PLEKHH2: variants seen among roughly 807,000 people sequenced by gnomAD.
The protein encoded by PLEKHH2 is pleckstrin homology, MyTH4 and FERM domain containing H2, also known as pleckstrin homology domain-containing family H member 2.
A neutral mutation model predicts 187.9 loss-of-function variants in PLEKHH2; 129 were observed. The ratio of observed to expected loss-of-function variants is 0.69; its 90% CI spans 0.59 to 0.79. The LOEUF is 0.79. Ranked by LOEUF, PLEKHH2 falls within the 30% of genes least tolerant of loss-of-function variation. The probability of loss-of-function intolerance (pLI) is 0.00; values close to 1 mark genes in which losing one functional copy is unlikely to be tolerated. For missense variants in PLEKHH2, 2,076 were observed against 1,751.2 expected, an observed-to-expected ratio of 1.19 and a Z score of -3.31; for synonymous variants, 686 against 605.6, an observed-to-expected ratio of 1.13 and a Z score of -1.95.
intron 9 of PLEKHH2, among the ~76,000 whole-genome samples, chr2:43,705,180 G>A (rs1436984554): frequency 1.3e-5 from 2 of 149,624 alleles, no homozygotes; most frequent in African/African-American, 4.9e-5. Flanking sequence ...TAATTCATAT[G>A]TTAGGGGTAA....
chr2:43,759,355 C>G (rs779390660), intron 27 of PLEKHH2, among the ~76,000 whole-genome samples: 1 of 152,216 alleles, frequency 6.6e-6, no homozygotes, highest in Non-Finnish European at 1.5e-5. Context: ...TTAGTATTTA[C>G]TAAGTTCTGT....
intron 3 of PLEKHH2, among the ~76,000 whole-genome samples, chr2:43,688,044 T>C (rs920695472): frequency 2.0e-5 from 3 of 152,174 alleles, no homozygotes; most frequent in African/African-American, 4.8e-5. Context: ...CAAGCTGTCC[T>C]CCCTCCTCGG....
intron 23 of PLEKHH2, among the ~76,000 whole-genome samples, chr2:43,745,224 G>A (rs1382185891): frequency 6.6e-6 from 1 of 152,098 alleles, no homozygotes; most frequent in East Asian, 1.9e-4. Context: ...ACTGAGGCAG[G>A]AGAATCACTT....
chr2:43,680,069 C>A (rs187588216), intron 3 of PLEKHH2, among the ~76,000 whole-genome samples: 1 of 152,192 alleles, frequency 6.6e-6, no homozygotes, highest in Admixed American at 6.5e-5. Context: ...ATGGGCCCAC[C>A]CAGCCTTAAA....
intron 16 of PLEKHH2, among the ~76,000 whole-genome samples, chr2:43,725,513 CTTGAACTGCCTGGGGT>C (rs1381963692): frequency 6.6e-6 from 1 of 152,114 alleles, no homozygotes; most frequent in Non-Finnish European, 1.5e-5. Flanking sequence ...AAGTGATTTC[CTTGAACTGCCTGGGGT>C]TAGAAAAGGA....
At chr2:43,698,906 T>A (rs1669222986) in intron 7 of PLEKHH2, among the ~76,000 whole-genome samples, 1 of 152,226 alleles carries the variant, frequency 6.6e-6, no homozygotes, top group Non-Finnish European at 1.5e-5. Flanking sequence ...ATTTTGTAGT[T>A]ATGATTAAAC....
At chr2:43,728,492 A>AAG (rs1670880787) in intron 17 of PLEKHH2, among the ~76,000 whole-genome samples, 1 of 150,948 alleles carries the variant, frequency 6.6e-6, no homozygotes, top group African/African-American at 2.4e-5. Context: ...AAAAAAAAAA[A>AAG]AAAGAAAGAA....
intron 1 of PLEKHH2, among the ~76,000 whole-genome samples, chr2:43,638,273 A>ACACACACACACACACT (rs1703210862): frequency 6.6e-6 from 1 of 150,820 alleles, no homozygotes; most frequent in African/African-American, 2.5e-5. Flanking sequence ...ACACACACAC[A>ACACACACACACACACT]CACACACACA....
chr2:43,736,386 A>G (rs1558590899), intron 19 of PLEKHH2, among the ~76,000 whole-genome samples: 1 of 152,156 alleles, frequency 6.6e-6, no homozygotes, highest in Non-Finnish European at 1.5e-5. Context: ...GATTCTTCGG[A>G]AAAAACTAAT....
rs1451119231 is a variant in PLEKHH2, at chr2:43,700,605, T to C, written c.1647T>C (p.Ser549=). The part of the protein sequence containing the change: ...PPTPPLHRFP[S]WESRIYAVAK... ...CTCCTCCCCTGCACCGTTTTCCTTC[T>C]TGGGTAATTATATCACCGCATGTAA... The change falls in exon 8 of 30, where the codon TCT becomes TCC. Residue 549 remains serine (S), a synonymous_variant. Coordinates refer to ENST00000282406, the MANE Select transcript of PLEKHH2 (RefSeq NM_172069.4). 1 of 1,604,064 alleles carries C rather than the reference T, an allele frequency of 6.2e-7. No individual in the cohort carries two copies. Among genetic ancestry groups the C allele is most frequent in the African/African-American group, 1.3e-5 (1 of 74,722 alleles).
At chr2:43,733,439 G>C (rs941487256) in intron 19 of PLEKHH2, among the ~76,000 whole-genome samples, 1 of 151,680 alleles carries the variant, frequency 6.6e-6, no homozygotes, top group African/African-American at 2.4e-5. Flanking sequence ...TCAGATAACG[G>C]TGGACCTTCT....
At position 43,681,608 on chromosome 2, in the gene PLEKHH2, A is replaced by G. The variant is rs951573165; in HGVS notation, c.186+2683A>G. 6 of 720,646 alleles carry G rather than the reference A, an allele frequency of 8.3e-6. No homozygotes were observed. The South Asian group carries it at 9.5e-5, about 11-fold the overall frequency. 44.6% of individuals were successfully genotyped at this position (720,646 alleles called of 1,614,324 possible). ...GACTAGTGCCTCTTTTTGGAGCTGT[A>G]CACGATATGACACAATATGCATTTT... On this transcript the variant is annotated intron_variant, in intron 3 of 29. Transcript: ENST00000282406.
intron 8 of PLEKHH2, 39 bp from the exon 9 acceptor site, chr2:43,703,942 G>C (rs755750989): frequency 8.9e-5 from 23 of 258,332 alleles, no homozygotes; most frequent in South Asian, 2.2e-4. Flanking sequence ...TTTTTTTTTT[G>C]CTTTAAATAC....
At chr2:43,669,029 C>G (rs1222258696) in intron 2 of PLEKHH2, among the ~76,000 whole-genome samples, 4 of 152,156 alleles carry the variant, frequency 2.6e-5, no homozygotes, top group Non-Finnish European at 4.4e-5. Context: ...AGCAGCAGTG[C>G]AGCAGAGAGC....
chr2:43,716,041 G>A (rs994273695), intron 15 of PLEKHH2, among the ~76,000 whole-genome samples: 10 of 152,204 alleles, frequency 6.6e-5, no homozygotes, highest in African/African-American at 2.4e-4. Context: ...GTTGCCTTCA[G>A]TGGGTTGAAG....
intron 3 of PLEKHH2, among the ~76,000 whole-genome samples, chr2:43,691,889 C>T (rs1304303116): frequency 6.6e-6 from 1 of 152,044 alleles, no homozygotes; most frequent in Non-Finnish European, 1.5e-5. Flanking sequence ...TTTCTCAGGG[C>T]CTGGAATAAG....
At chr2:43,711,051 G>T in intron 14 of PLEKHH2, 1 of 988,262 alleles carries the variant, frequency 1.0e-6, no homozygotes, top group Non-Finnish European at 1.2e-6. Flanking sequence ...GTGCTGCCAA[G>T]CAAGTCACAC....
Position 43,758,687 on chromosome 2 carries a change from G to A in PLEKHH2, c.3942-213G>A, listed in dbSNP as rs577628326. ...GGTACCTAGTTCATGCCGAAAACAC[G>A]AATAGTATGAGAATTTGGTGAAAGG... On this transcript the variant is annotated intron_variant, in intron 26 of 29. Transcript: ENST00000282406. 2.4e-4 allele frequency among the ~76,000 whole-genome samples: 36 copies of A among 152,284 alleles called. No homozygotes were observed. In the South Asian group the frequency reaches 6.2e-3, roughly 26 times the overall value.
chr2:43,699,226 G>GT (rs1222390310), intron 7 of PLEKHH2, among the ~76,000 whole-genome samples: 1 of 150,080 alleles, frequency 6.7e-6, no homozygotes, highest in Non-Finnish European at 1.5e-5. Context: ...TTCCCAACAT[G>GT]TTTTTTTGTA....
Sources: gnomAD v4.1 joint callset for allele counts (sites outside exome capture counted in the v4.1 genomes callset) on GRCh38, gnomAD v4.1.1 for gene constraint, MANE v1.5 for transcripts, NCBI Gene and HGNC (gene_info 2026-07-23, HGNC 2026-07-21) for gene names.